The following PNPLA4 variants were observed in gnomAD, a reference collection of about 807,000 sequenced individuals.
PNPLA4 encodes patatin like domain 4, phospholipase and triacylglycerol lipase.
In PNPLA4, 15 loss-of-function variants were observed where a neutral mutation model predicts 18.3. The ratio of observed to expected loss-of-function variants is 0.82; its 90% CI spans 0.55 to 1.26. The LOEUF is 1.26. Ranked by LOEUF, PNPLA4 falls within the 50% of genes most tolerant of loss-of-function variation. The pLI, the probability that PNPLA4 is intolerant of heterozygous loss-of-function variation, is 0.00. For missense variants in PNPLA4, 229 were observed against 196.8 expected, an observed-to-expected ratio of 1.16 and a Z score of -0.98; for synonymous variants, 88 against 85.6, an observed-to-expected ratio of 1.03 and a Z score of -0.16.
chrX:7,900,995 C>T (rs902960273), intron 6 of PNPLA4, among the ~76,000 whole-genome samples, 178 bp from the exon 7 acceptor site: 3 of 111,748 alleles, frequency 2.7e-5, no homozygotes, highest in African/African-American at 6.5e-5. Context: ...AGTTTCTCAG[C>T]CTTGGTACTG....
At chrX:7,918,030 C>A (rs368580418) in intron 4 of PNPLA4, among the ~76,000 whole-genome samples, 4 of 111,758 alleles carry the variant, frequency 3.6e-5, no homozygotes, top group Non-Finnish European at 7.5e-5. Context: ...CAACATGGAG[C>A]AAAGTTTAAA....
chrX:7,924,642 G>A (rs753722365), intron 2 of PNPLA4, among the ~76,000 whole-genome samples: 1 of 111,856 alleles, frequency 8.9e-6, no homozygotes, highest in Admixed American at 9.5e-5. Context: ...AATAACAACA[G>A]GTAAACTGAT....
chrX:7,917,008 G>A (rs1451741579), intron 4 of PNPLA4, among the ~76,000 whole-genome samples: 6 of 112,156 alleles, frequency 5.3e-5, no homozygotes, highest in African/African-American at 1.6e-4. Context: ...TCTGAACAAA[G>A]GAATGCCTTA....
Position 7,901,597 on chromosome X carries a change from A to C in PNPLA4, c.630+392T>G, listed in dbSNP as rs929120783. 3.6e-5 allele frequency among the ~76,000 whole-genome samples: 4 copies of C among 111,339 alleles called. No homozygotes were observed. The Admixed American group carries it at 3.8e-4, about 11-fold the overall frequency. On this transcript the variant is annotated intron_variant, in intron 6 of 6. Coordinates refer to ENST00000381042, the MANE Select transcript of PNPLA4 (RefSeq NM_004650.3). ...GCAACACCCTCTCTCAAAGAAGAAA[A>C]AAATTGCTCTGATATCCTACCAAGT...
intron 4 of PNPLA4, among the ~76,000 whole-genome samples, chrX:7,915,303 AGGGT>A (rs1423707114): frequency 0.037 from 163 of 4,392 alleles, 2 homozygotes; most frequent in Middle Eastern, 0.33. Flanking sequence ...CCTGGGGTGG[AGGGT>A]GGGGGGGGGG....
At chrX:7,901,406 A>G (rs894219415) in intron 6 of PNPLA4, among the ~76,000 whole-genome samples, 4 of 110,770 alleles carry the variant, frequency 3.6e-5, no homozygotes, top group African/African-American at 1.3e-4. Context: ...ACACAGTGAG[A>G]CTTTGTCTCT....
Position 7,902,041 on chromosome X carries a change from T to C in PNPLA4, c.578A>G (p.Gln193Arg). The C allele has an allele frequency of 8.3e-7, 1 of 1,208,897 alleles. No homozygotes were observed. Among genetic ancestry groups the C allele is most frequent in the Non-Finnish European group, 1.1e-6 (1 of 893,931 alleles). ...PFSGRLDISP[Q>R]DKGQLDLYVN... is the part of the protein sequence containing the mutation. ...ATACAGATCTAGCTGCCCTTTGTCCTGCGGGGAGATGTCCAGTCGTCCACT... is the reference window on the plus strand; with the variant it reads ...ATACAGATCTAGCTGCCCTTTGTCCCGCGGGGAGATGTCCAGTCGTCCACT... Residue 193 changes from glutamine to arginine, a missense_variant, in exon 6 of 7, where the codon CAG becomes CGG. Coordinates refer to ENST00000381042, the MANE Select transcript of PNPLA4 (RefSeq NM_004650.3).
intron 5 of PNPLA4, among the ~76,000 whole-genome samples, chrX:7,907,360 G>T (rs1265489490): frequency 8.9e-6 from 1 of 112,125 alleles, no homozygotes; most frequent in Admixed American, 9.5e-5. Flanking sequence ...GCCAGTTCTG[G>T]AGATGATTTT....
intron 4 of PNPLA4, 73 bp downstream of exon 4, chrX:7,921,640 G>T: frequency 3.3e-6 from 3 of 922,409 alleles, no homozygotes; most frequent in East Asian, 3.1e-5. Context: ...ACGTGGTAAT[G>T]CTCATTACTT....
chrX:7,920,102 T>C (rs1924167446), intron 4 of PNPLA4, among the ~76,000 whole-genome samples: 1 of 110,673 alleles, frequency 9.0e-6, no homozygotes, highest in Non-Finnish European at 1.9e-5. Context: ...GTAAAAGAGG[T>C]AGCATGCTAA....
chrX:7,915,505 TG>T (rs1391150561), intron 4 of PNPLA4, among the ~76,000 whole-genome samples: 1 of 111,977 alleles, frequency 8.9e-6, no homozygotes, highest in African/African-American at 3.3e-5. Flanking sequence ...CCCTATCACT[TG>T]GTACAGCACT....
At chrX:7,921,324 A>G (rs1384314148) in intron 4 of PNPLA4, among the ~76,000 whole-genome samples, 1 of 112,196 alleles carries the variant, frequency 8.9e-6, no homozygotes, top group Non-Finnish European at 1.9e-5. Flanking sequence ...TACTTGATTT[A>G]CAGAAGGACT....
At chrX:7,907,656 A>G (rs751530881) in intron 5 of PNPLA4, among the ~76,000 whole-genome samples, 4 of 112,325 alleles carry the variant, frequency 3.6e-5, no homozygotes, top group Admixed American at 9.4e-5. Flanking sequence ...CAAAATAGTC[A>G]TAAGATGAAG....
At chrX:7,914,369 A>C (rs953048270) in intron 4 of PNPLA4, among the ~76,000 whole-genome samples, 4 of 111,216 alleles carry the variant, frequency 3.6e-5, no homozygotes, top group Non-Finnish European at 7.6e-5. Flanking sequence ...GGCATCTTCA[A>C]CTCCAACCCT....
At chrX:7,902,673 T>C (rs1307633525) in intron 5 of PNPLA4, among the ~76,000 whole-genome samples, 2 of 111,814 alleles carry the variant, frequency 1.8e-5, no homozygotes, top group Non-Finnish European at 3.8e-5. Flanking sequence ...CATTCCTCAG[T>C]AGGCACTCAG....
At chrX:7,914,558 T>C (rs1923979011) in intron 4 of PNPLA4, among the ~76,000 whole-genome samples, 1 of 112,318 alleles carries the variant, frequency 8.9e-6, no homozygotes, top group African/African-American at 3.2e-5. Flanking sequence ...ATGAAGTTAT[T>C]CAGCAAATGC....
In PNPLA4 at chrX:7,926,093, T is replaced by A; in HGVS notation, c.27A>T (p.Ala9=). 5 of 1,210,376 alleles carry A rather than the reference T, an allele frequency of 4.1e-6. No homozygotes were observed. The South Asian group carries it at 8.8e-5, about 21-fold the overall frequency. Reference sequence around the variant, plus strand: ...GGTAAATGCCCAGAAATCCACACGCTGCAAATGATAGGTTGATGTGCTTCA... The same window carrying A: ...GGTAAATGCCCAGAAATCCACACGCAGCAAATGATAGGTTGATGTGCTTCA... MKHINLSF[A]ACGFLGIYHL... Residue 9 remains alanine (A), a synonymous_variant, in exon 2 of 7, where the codon GCA becomes GCT. Coordinates refer to ENST00000381042, the MANE Select transcript of PNPLA4 (RefSeq NM_004650.3).
chrX:7,916,798 T>G (rs1383703351), intron 4 of PNPLA4, among the ~76,000 whole-genome samples: 1 of 111,589 alleles, frequency 9.0e-6, no homozygotes, highest in Admixed American at 9.5e-5. Flanking sequence ...TTTTTCTGGG[T>G]GTGGCACCTG....
rs771883533 is a variant in PNPLA4 at position 7,903,458 on chromosome X, C to G, written c.478-1317G>C. Reference sequence around the variant, plus strand: ...GGGACTACAGGCGCCCGCCACCATGCCCGGCTAATTTTTTGTATTTTTAGT... The same window carrying G: ...GGGACTACAGGCGCCCGCCACCATGGCCGGCTAATTTTTTGTATTTTTAGT... On this transcript the variant is annotated intron_variant, in intron 5 of 6. Coordinates refer to ENST00000381042, the MANE Select transcript of PNPLA4 (RefSeq NM_004650.3). 2.1e-3 allele frequency among the ~76,000 whole-genome samples: 234 copies of G among 110,537 alleles called. 2 individuals carry two copies. The highest frequency in any genetic ancestry group is 4.0e-3 in the Non-Finnish European group (210 of 52,835).
Sources: allele counts gnomAD v4.1 joint callset (sites outside exome capture counted in the v4.1 genomes callset), GRCh38; gene constraint gnomAD v4.1.1; transcripts MANE v1.5; gene names NCBI Gene and HGNC (gene_info 2026-07-23, HGNC 2026-07-21).